RSF1: variants seen among roughly 807,000 people sequenced by gnomAD.
RSF1 encodes HBV pX-associated protein 8.
In RSF1, 13 loss-of-function variants were observed where a neutral mutation model predicts 145.2. The ratio of observed to expected loss-of-function variants is 0.09; its 90% CI spans 0.06 to 0.14. The LOEUF is 0.14. RSF1 is among the 10% of genes least tolerant of loss of function. The probability of loss-of-function intolerance (pLI) is 1.00; values close to 1 mark genes in which losing one functional copy is unlikely to be tolerated. For missense variants in RSF1, 1,517 were observed against 1,718.2 expected, an observed-to-expected ratio of 0.88 and a Z score of 2.07; for synonymous variants, 577 against 592.6, an observed-to-expected ratio of 0.97 and a Z score of 0.38.
chr11:77,836,380 A>G, the RSF1 span, among the ~76,000 whole-genome samples: 3 of 152,094 alleles, frequency 2.0e-5, no homozygotes, highest in Non-Finnish European at 4.4e-5. Context: ...AAAAAGAGAA[A>G]GAGATAGCAG....
the RSF1 span, among the ~76,000 whole-genome samples, chr11:77,841,466 T>C: frequency 1.3e-5 from 2 of 152,192 alleles, no homozygotes; most frequent in African/African-American, 4.8e-5. Flanking sequence ...AACATTTGGC[T>C]CAAACACCTT....
At chr11:77,683,852 T>C (rs750755190) in intron 10 of RSF1, 33 bp from the exon 11 acceptor site, 1 of 1,499,256 alleles carries the variant, frequency 6.7e-7, no homozygotes, top group South Asian at 1.2e-5. Context: ...ATAGAGGTTA[T>C]TCCTTATGCA....
Position 77,675,204 on chromosome 11 carries a change from C to A in RSF1, c.3394G>T (p.Asp1132Tyr). 1 of 1,613,984 alleles carries A rather than the reference C, an allele frequency of 6.2e-7. No homozygotes were observed. Among genetic ancestry groups the A allele is most frequent in the Non-Finnish European group, 8.5e-7 (1 of 1,179,964 alleles). Reference protein sequence around the residue: ...SDENPDESEEDPPSNDDSDTD... With the variant: ...SDENPDESEEYPPSNDDSDTD... ...TCACTGTCATCATTAGATGGCGGAT[C>A]TTCTTCACTTTCATCTGGGTTTTCA... The change falls in exon 14 of 16, where the codon GAT becomes TAT. Residue 1132 changes from aspartate to tyrosine, a missense_variant. Transcript: ENST00000308488.
chr11:77,743,908 G>C (rs1039090527), intron 3 of RSF1, among the ~76,000 whole-genome samples: 1 of 152,094 alleles, frequency 6.6e-6, no homozygotes, highest in Non-Finnish European at 1.5e-5. Flanking sequence ...TTTGTTGAGA[G>C]TTTTTATCAT....
the RSF1 span, among the ~76,000 whole-genome samples, chr11:77,844,019 C>T: frequency 6.6e-6 from 1 of 152,132 alleles, no homozygotes; most frequent in African/African-American, 2.4e-5. Flanking sequence ...ATTCAATCAC[C>T]TCCCACCGAG....
At chr11:77,762,288 A>G (rs1389701965) in intron 2 of RSF1, 2 of 152,120 alleles carry the variant, frequency 1.3e-5, no homozygotes, top group Non-Finnish European at 2.9e-5. Flanking sequence ...ATACAGCACA[A>G]TAACAAATGA....
At chr11:77,842,589 G>A in the RSF1 span, 6 of 1,614,028 alleles carry the variant, frequency 3.7e-6, no homozygotes, top group Non-Finnish European at 5.1e-6. Flanking sequence ...TATGGCCAGG[G>A]GGTAGTCGGA....
At chr11:77,768,095 AAATTAATTTTAAT>A (rs979520804) in intron 1 of RSF1, among the ~76,000 whole-genome samples, 7 of 151,984 alleles carry the variant, frequency 4.6e-5, no homozygotes, top group Non-Finnish European at 1.0e-4. Context: ...AAAGAGGTTA[AAATTAATTTTAAT>A]AATATATTTT....
At chr11:77,756,463 T>C (rs964383689) in intron 2 of RSF1, among the ~76,000 whole-genome samples, 1 of 152,176 alleles carries the variant, frequency 6.6e-6, no homozygotes, top group East Asian at 1.9e-4. Flanking sequence ...TTTAAAATAT[T>C]AACTCAGTAA....
At chr11:77,820,506 G>C in intron 1 of RSF1, 22 bp downstream of exon 1, 1 of 1,545,444 alleles carries the variant, frequency 6.5e-7, no homozygotes, top group Non-Finnish European at 8.7e-7. Context: ...CTTCCCGCCG[G>C]GCGTTCGGGC....
intron 1 of RSF1, among the ~76,000 whole-genome samples, chr11:77,778,865 G>A (rs899393480): frequency 5.3e-5 from 8 of 152,142 alleles, no homozygotes; most frequent in Admixed American, 2.6e-4. Flanking sequence ...ATCCCTGAAA[G>A]CTAGTTATTT....
intron 9 of RSF1, 133 bp downstream of exon 9, chr11:77,691,026 A>G (rs2135838596): frequency 2.7e-6 from 2 of 736,020 alleles, no homozygotes; most frequent in East Asian, 5.2e-5. Context: ...GTACAAAAAC[A>G]AAAAGGAGGC....
intron 1 of RSF1, chr11:77,813,276 T>C: frequency 1.6e-6 from 1 of 614,604 alleles, no homozygotes. Context: ...CCATTTATAA[T>C]TTTTTTTTAA....
At chr11:77,739,696 G>T (rs1456360725) in intron 4 of RSF1, 1 of 152,090 alleles carries the variant, frequency 6.6e-6, no homozygotes, top group Admixed American at 6.6e-5. Flanking sequence ...ATAAGCTAGC[G>T]GTTAGATAGC....
At chr11:77,691,914 C>A (rs1298629329) in intron 8 of RSF1, among the ~76,000 whole-genome samples, 1 of 152,138 alleles carries the variant, frequency 6.6e-6, no homozygotes, top group African/African-American at 2.4e-5. Context: ...TTTTTTGAGA[C>A]AGATCTCACT....
intron 5 of RSF1, chr11:77,717,703 T>C (rs889834614): frequency 6.6e-6 from 1 of 152,198 alleles, no homozygotes; most frequent in East Asian, 1.9e-4. Flanking sequence ...ACCATGACAA[T>C]GCCATGTTCC....
chr11:77,672,795 G>A (rs1959592330), intron 14 of RSF1, among the ~76,000 whole-genome samples: 1 of 152,124 alleles, frequency 6.6e-6, no homozygotes, highest in African/African-American at 2.4e-5. Context: ...CAATTCCCCT[G>A]CCTCAGCCTT....
At chr11:77,861,743 A>C in the RSF1 span, among the ~76,000 whole-genome samples, 314 of 152,332 alleles carry the variant, frequency 2.1e-3, no homozygotes, top group Non-Finnish European at 3.7e-3. Flanking sequence ...TCCGTGTTCC[A>C]GAGCCTCCAA....
chr11:77,691,357 G>T, intron 8 of RSF1, 119 bp from the exon 9 acceptor site: 1 of 733,006 alleles, frequency 1.4e-6, no homozygotes, highest in Non-Finnish European at 2.3e-6. Context: ...CATAGTAAGT[G>T]AACAATGAAG....
Sources: allele counts gnomAD v4.1 joint callset (sites outside exome capture counted in the v4.1 genomes callset), GRCh38; gene constraint gnomAD v4.1.1; transcripts MANE v1.5; gene names NCBI Gene and HGNC (gene_info 2026-07-23, HGNC 2026-07-21).